PDE6A: variants seen among roughly 807,000 people sequenced by gnomAD.
The protein encoded by PDE6A is rod cGMP-specific 3',5'-cyclic phosphodiesterase subunit alpha.
PDE6A carries 84 observed loss-of-function variants against 106.3 expected under a neutral mutation model. The observed-to-expected ratio is 0.79, with a 90% CI of 0.66 to 0.95. The LOEUF is 0.95. Ranked by LOEUF, PDE6A falls within the 40% of genes least tolerant of loss-of-function variation. The pLI is 0.00. For synonymous variants in PDE6A, 394 were observed against 386.6 expected, an observed-to-expected ratio of 1.02 and a Z score of -0.23; for missense variants, 1,052 against 1,084.9, an observed-to-expected ratio of 0.97 and a Z score of 0.43.
intron 13 of PDE6A, among the ~76,000 whole-genome samples, chr5:149,890,536 A>G (rs1383621782): frequency 6.6e-6 from 1 of 152,234 alleles, no homozygotes; most frequent in Non-Finnish European, 1.5e-5. Flanking sequence ...TAACACTATC[A>G]GTCACAATTT....
chr5:149,869,756 G>A (rs1760468282), intron 17 of PDE6A, among the ~76,000 whole-genome samples: 1 of 152,190 alleles, frequency 6.6e-6, no homozygotes, highest in Admixed American at 6.5e-5. Flanking sequence ...GGGATGGGGT[G>A]CTGCAGTAAT....
At chr5:149,892,590 C>T (rs1451292634) in intron 13 of PDE6A, among the ~76,000 whole-genome samples, 1 of 150,746 alleles carries the variant, frequency 6.6e-6, no homozygotes, top group Non-Finnish European at 1.5e-5. Context: ...CTCCTGTGTT[C>T]AAAGGATCCT....
At chr5:149,918,874 C>T (rs1261272507) in intron 5 of PDE6A, among the ~76,000 whole-genome samples, 3 of 152,254 alleles carry the variant, frequency 2.0e-5, no homozygotes, top group African/African-American at 7.2e-5. Context: ...CCTTCTGCCT[C>T]AGCCTCCCAA....
intron 1 of PDE6A, among the ~76,000 whole-genome samples, chr5:149,942,134 T>G (rs1453759119): frequency 6.6e-6 from 1 of 151,878 alleles, no homozygotes; most frequent in Non-Finnish European, 1.5e-5. Flanking sequence ...GCGAGTTTTT[T>G]TATTTTTTGT....
Position 149,884,843 on chromosome 5 carries a change from G to A in PDE6A, c.1863C>T (p.Leu621=). ...GTCTTTCCAAGATAGAGGACCCATG[G>A]AGCTTGGCCAGTGGGTTCTGGGATC... ...QMKSQNPLAK[L]HGSSILERHH... is the part of the protein sequence containing the mutation. The change falls in exon 15 of 22, where the codon CTC becomes CTT. Residue 621 remains leucine, a synonymous_variant. Coordinates refer to ENST00000255266, the MANE Select transcript of PDE6A (RefSeq NM_000440.3). The A allele has an allele frequency of 6.2e-7, 1 of 1,614,178 alleles. No individual in the cohort carries two copies.
intron 3 of PDE6A, chr5:149,932,334 G>A (rs1282561848): frequency 1.4e-6 from 2 of 1,430,516 alleles, no homozygotes; most frequent in East Asian, 2.3e-5. Flanking sequence ...TTGAGGGGTT[G>A]TAGGAGGTCT....
chr5:149,932,696 GC>G, intron 3 of PDE6A: 2 of 1,599,846 alleles, frequency 1.3e-6, no homozygotes, highest in South Asian at 1.1e-5. Flanking sequence ...AGGAAATGCT[GC>G]CCCACTCACC....
At chr5:149,869,155 C>A (rs1354732386) in intron 17 of PDE6A, among the ~76,000 whole-genome samples, 2 of 152,002 alleles carry the variant, frequency 1.3e-5, no homozygotes, top group African/African-American at 4.8e-5. Flanking sequence ...CTTGGTGAAA[C>A]CCTGTCTCTA....
chr5:149,868,287 C>A, intron 17 of PDE6A, 129 bp from the exon 18 acceptor site: 1 of 868,392 alleles, frequency 1.2e-6, no homozygotes. Context: ...GGAAAGGGCT[C>A]ACCCCCATTG....
In PDE6A at chr5:149,859,530, C is replaced by T. The variant is rs888895; in HGVS notation, c.*1365G>A. The T allele has an allele frequency of 0.62, 93,662 of 152,120 alleles. 29,127 individuals carry two copies. The highest frequency in any genetic ancestry group is 0.67 in the African/African-American group (27,943 of 41,466). 9.4% of individuals were successfully genotyped at this position (152,120 alleles called of 1,614,324 possible). ...AAGTCGAGTTGGGATGTGAGCCCAGCGACAGCCTTAGTGGACCCCACGAGG... is the reference window on the plus strand; with the variant it reads ...AAGTCGAGTTGGGATGTGAGCCCAGTGACAGCCTTAGTGGACCCCACGAGG... On this transcript the variant is annotated 3_prime_UTR_variant, in exon 22 of 22. Coordinates refer to ENST00000255266, the MANE Select transcript of PDE6A (RefSeq NM_000440.3).
intron 13 of PDE6A, 53 bp downstream of exon 13, chr5:149,895,130 A>T: frequency 9.9e-7 from 1 of 1,005,084 alleles, no homozygotes; most frequent in Non-Finnish European, 1.6e-6. Context: ...TCTGCATGAG[A>T]TTGTCTAGTG....
chr5:149,903,675 C>A lies in PDE6A; in HGVS notation c.1086G>T (p.Ala362=), dbSNP rs142259966. The change falls in exon 8 of 22, where the codon GCG becomes GCT. Residue 362 remains alanine, a synonymous_variant. Transcript: ENST00000255266. ...QNGLICNIMN[A]PAEDFFAFQK... is the part of the protein sequence containing the mutation. ...GAAATGCAAAAAAGTCCTCCGCAGGCGCATTCATGATGTTGCAAATCTGAG... is the reference window on the plus strand; with the variant it reads ...GAAATGCAAAAAAGTCCTCCGCAGGAGCATTCATGATGTTGCAAATCTGAG... The A allele has an allele frequency of 1.2e-6, 2 of 1,613,756 alleles. No homozygotes were observed. Among genetic ancestry groups the A allele is most frequent in the East Asian group, 2.2e-5 (1 of 44,880 alleles).
chr5:149,928,640 T>C (rs1753940555), intron 4 of PDE6A, among the ~76,000 whole-genome samples: 1 of 152,146 alleles, frequency 6.6e-6, no homozygotes, highest in South Asian at 2.1e-4. Context: ...CACTAGACGA[T>C]AGAATTTTTC....
chr5:149,869,811 C>T (rs956509061), intron 17 of PDE6A, among the ~76,000 whole-genome samples: 5 of 151,980 alleles, frequency 3.3e-5, no homozygotes, highest in Non-Finnish European at 7.4e-5. Context: ...CGGCTGGCTG[C>T]GGCGGGGTGA....
At chr5:149,884,376 GTGTATATATATGTGTATATA>G (rs1474316183) in intron 16 of PDE6A, 83 bp downstream of exon 16, 23 of 731,692 alleles carry the variant, frequency 3.1e-5, no homozygotes, top group East Asian at 1.6e-4. Flanking sequence ...GTATATATGT[GTGTATATATATGTGTATATA>G]TGTATATATA....
In PDE6A at chr5:149,903,709, AG is replaced by A; in HGVS notation, c.1066-15del. 1 of 1,612,190 alleles carries A rather than the reference AG, an allele frequency of 6.2e-7. No homozygotes were observed. The highest frequency in any genetic ancestry group is 8.5e-7 in the Non-Finnish European group (1 of 1,178,220). On this transcript the variant is annotated splice_polypyrimidine_tract_variant and intron_variant, in intron 7 of 21. Coordinates refer to ENST00000255266, the MANE Select transcript of PDE6A (RefSeq NM_000440.3). ...GATGTTGCAAATCTGAGAGCAGTGA[AG>A]GGGAATAATGAAGGTGTGATTAGGC...
chr5:149,918,274 TG>T (rs1284510448), intron 5 of PDE6A, among the ~76,000 whole-genome samples: 16 of 152,304 alleles, frequency 1.1e-4, no homozygotes, highest in African/African-American at 1.7e-4. Flanking sequence ...GGTTGTACAG[TG>T]GACACCACAC....
chr5:149,903,160 A>C (rs1329780576), intron 8 of PDE6A, among the ~76,000 whole-genome samples: 3 of 149,002 alleles, frequency 2.0e-5, no homozygotes, highest in African/African-American at 7.4e-5. Context: ...AAAAAAAAAA[A>C]AAAAAAAACA....
intron 17 of PDE6A, among the ~76,000 whole-genome samples, chr5:149,872,316 T>C (rs569685956): frequency 3.9e-5 from 6 of 152,338 alleles, no homozygotes; most frequent in African/African-American, 9.6e-5. Flanking sequence ...TTCAGCAGTT[T>C]CCTATGGGTC....
Sources: allele counts gnomAD v4.1 joint callset (sites outside exome capture counted in the v4.1 genomes callset), GRCh38; gene constraint gnomAD v4.1.1; transcripts MANE v1.5; gene names NCBI Gene and HGNC (gene_info 2026-07-23, HGNC 2026-07-21).